FOXN3: variants seen among roughly 807,000 people sequenced by gnomAD.
The protein encoded by FOXN3 is forkhead box N3, also known as forkhead box protein N3.
A neutral mutation model predicts 38.4 loss-of-function variants in FOXN3; 7 were observed. The observed-to-expected ratio is 0.18, with a 90% CI of 0.10 to 0.34. The LOEUF is 0.34. FOXN3 is among the 10% of genes least tolerant of loss of function. FOXN3 has a pLI of 1.00. For missense variants in FOXN3, 456 were observed against 613.4 expected, an observed-to-expected ratio of 0.74 and a Z score of 2.71; for synonymous variants, 230 against 242.2, an observed-to-expected ratio of 0.95 and a Z score of 0.47.
chr14:89,495,106 A>T (rs1893653239), intron 1 of FOXN3, among the ~76,000 whole-genome samples: 1 of 152,242 alleles, frequency 6.6e-6, no homozygotes, highest in Admixed American at 6.5e-5. Context: ...CACGGTAGAC[A>T]AAAGTAAGCT....
intron 1 of FOXN3, among the ~76,000 whole-genome samples, chr14:89,545,579 A>G (rs1894867849): frequency 6.6e-6 from 1 of 152,212 alleles, no homozygotes; most frequent in East Asian, 1.9e-4. Flanking sequence ...AACACATTAA[A>G]ATGCACTGCA....
At chr14:89,450,998 T>C (rs537025270) in intron 1 of FOXN3, among the ~76,000 whole-genome samples, 1 of 152,306 alleles carries the variant, frequency 6.6e-6, no homozygotes, top group East Asian at 1.9e-4. Context: ...GGCAACATCC[T>C]CCTACCCTTG....
intron 1 of FOXN3, among the ~76,000 whole-genome samples, chr14:89,469,701 TG>T (rs1893050850): frequency 6.6e-6 from 1 of 152,196 alleles, no homozygotes. Flanking sequence ...GGACTAGCTC[TG>T]GGGGAGAGAG....
intron 1 of FOXN3, among the ~76,000 whole-genome samples, chr14:89,474,797 A>G (rs79906844): frequency 0.029 from 4,383 of 152,178 alleles, 188 homozygotes; most frequent in African/African-American, 0.1. Context: ...AGATGTTTAC[A>G]TATCTTTTTA....
Position 89,484,654 on chromosome 14 carries a change from A to G in FOXN3, c.-14-72164T>C, listed in dbSNP as rs1355834812. The stretch of plus-strand genomic sequence containing the variant: ...CAACAATCTATTAGGCAATTTCTGC[A>G]GTGGGAGGAGAACACAAATACTGCT... On this transcript the variant is annotated intron_variant, in intron 1 of 6. Coordinates refer to the FOXN3 transcript ENST00000345097. This position sits in a 1 kb window ranked among gnomAD's most constrained non-coding sequence, Gnocchi z 4.0. Among the ~76,000 whole-genome samples, 2 of 152,198 alleles carry G rather than the reference A, an allele frequency of 1.3e-5. No individual in the cohort carries two copies. Among genetic ancestry groups the G allele is most frequent in the African/African-American group, 2.4e-5 (1 of 41,452 alleles).
intron 1 of FOXN3, among the ~76,000 whole-genome samples, chr14:89,549,117 T>TAA (rs778301383): frequency 4.4e-5 from 6 of 136,892 alleles, no homozygotes; most frequent in East Asian, 2.1e-4. Context: ...AGACTCCATC[T>TAA]AAAAAAAAAA....
At chr14:89,370,255 CT>C (rs1434018498) in intron 2 of FOXN3, among the ~76,000 whole-genome samples, 4 of 152,266 alleles carry the variant, frequency 2.6e-5, no homozygotes, top group African/African-American at 9.6e-5. Flanking sequence ...CCCTAAATAA[CT>C]CAGTGAAGGA....
At chr14:89,407,155 C>T (rs1032734522) in intron 2 of FOXN3, among the ~76,000 whole-genome samples, 2 of 152,120 alleles carry the variant, frequency 1.3e-5, no homozygotes, top group African/African-American at 4.8e-5. Flanking sequence ...GTACTTCCTT[C>T]CATTTGACAG....
intron 1 of FOXN3, among the ~76,000 whole-genome samples, chr14:89,475,321 T>C (rs1382330248): frequency 1.3e-5 from 2 of 152,192 alleles, no homozygotes; most frequent in South Asian, 2.1e-4. Context: ...AATGCTGTGG[T>C]AATAATAGGC....
At chr14:89,186,821 TAGAC>T (rs1269385785) in intron 4 of FOXN3, among the ~76,000 whole-genome samples, 1 of 152,150 alleles carries the variant, frequency 6.6e-6, no homozygotes, top group Non-Finnish European at 1.5e-5. Flanking sequence ...AGTGAAGCAT[TAGAC>T]TGAAATGAGA....
rs956790388 is a variant in FOXN3 at position 89,216,723 on chromosome 14, G to A, written c.746-35917C>T. ...CCTCAGGCCAGGTTTGGTCTTAGACGGTTTTATCCATGATGCCACCCATCT... is the reference window on the plus strand; with the variant it reads ...CCTCAGGCCAGGTTTGGTCTTAGACAGTTTTATCCATGATGCCACCCATCT... On this transcript the variant is annotated intron_variant, in intron 4 of 5. Transcript: ENST00000557258. 5.9e-5 allele frequency among the ~76,000 whole-genome samples: 9 copies of A among 152,234 alleles called. No homozygotes were observed. The East Asian group carries it at 7.7e-4, about 13-fold the overall frequency.
At chr14:89,200,135 T>C (rs1014261480) in intron 4 of FOXN3, among the ~76,000 whole-genome samples, 5 of 152,108 alleles carry the variant, frequency 3.3e-5, no homozygotes, top group South Asian at 2.1e-4. Flanking sequence ...CTACATTTCA[T>C]TGGGGGTACT....
chr14:89,401,539 C>G (rs1180027340), intron 2 of FOXN3: 1 of 454,816 alleles, frequency 2.2e-6, no homozygotes. Context: ...TGCGGTATTC[C>G]AGGAGTACCT....
chr14:89,260,154 A>G (rs1415106434), intron 4 of FOXN3, among the ~76,000 whole-genome samples: 1 of 152,248 alleles, frequency 6.6e-6, no homozygotes, highest in Non-Finnish European at 1.5e-5. Context: ...GGGAATTCCA[A>G]ATAGCTTACC....
At chr14:89,566,782 T>TC (rs1020080782) in intron 1 of FOXN3, among the ~76,000 whole-genome samples, 5 of 132,088 alleles carry the variant, frequency 3.8e-5, no homozygotes, top group African/African-American at 1.6e-4. Context: ...CTCCTCCTCC[T>TC]TTCACTCCAT....
At chr14:89,269,420 G>C (rs531101915) in intron 4 of FOXN3, among the ~76,000 whole-genome samples, 1 of 152,026 alleles carries the variant, frequency 6.6e-6, no homozygotes, top group Non-Finnish European at 1.5e-5. Flanking sequence ...TTGAAACCAA[G>C]GGGTTAATTT....
chr14:89,302,344 CA>C (rs1887242338), intron 3 of FOXN3, among the ~76,000 whole-genome samples: 1 of 152,174 alleles, frequency 6.6e-6, no homozygotes, highest in Non-Finnish European at 1.5e-5. Flanking sequence ...TCAAGCTTTA[CA>C]AAATGTGGTA....
At chr14:89,334,721 A>T (rs1406120472) in intron 3 of FOXN3, among the ~76,000 whole-genome samples, 1 of 152,026 alleles carries the variant, frequency 6.6e-6, no homozygotes, top group African/African-American at 2.4e-5. Context: ...AAAAGAGTAG[A>T]TTTGTTTTGT....
intron 5 of FOXN3, among the ~76,000 whole-genome samples, chr14:89,179,941 G>T (rs1887621439): frequency 6.6e-6 from 1 of 152,248 alleles, no homozygotes; most frequent in Non-Finnish European, 1.5e-5. Flanking sequence ...TGATGCAGGG[G>T]CAGTCACAGA....
Sources: allele counts gnomAD v4.1 joint callset (sites outside exome capture counted in the v4.1 genomes callset), GRCh38; gene constraint gnomAD v4.1.1; non-coding constraint Gnocchi (gnomAD v3.1); transcripts MANE v1.5; gene names NCBI Gene and HGNC (gene_info 2026-07-23, HGNC 2026-07-21).